Variants in ASPH observed in about 807,000 individuals in gnomAD.
The protein encoded by ASPH is aspartyl/asparaginyl beta-hydroxylase.
In ASPH, 100 loss-of-function variants were observed where a neutral mutation model predicts 118.4. That is an observed-to-expected ratio of 0.84 (90% CI 0.72 to 1.00). The LOEUF is 1.00. Among genes scored for constraint, ASPH ranks in the 50% least tolerant of loss-of-function variants. The pLI is 0.00. For synonymous variants in ASPH, 315 were observed against 325.6 expected (o/e 0.97, Z 0.35); for missense variants, 920 against 919.5 (o/e 1.00, Z -0.01).
chr8:61,580,484 A>T (rs1270546258), intron 15 of ASPH, among the ~76,000 whole-genome samples: 1 of 152,228 alleles, frequency 6.6e-6, no homozygotes, highest in African/African-American at 2.4e-5. Flanking sequence ...TTACTCTTCG[A>T]TGGCCTCTGT....
intron 21 of ASPH, among the ~76,000 whole-genome samples, chr8:61,537,471 G>T (rs1820060617): frequency 6.6e-6 from 1 of 152,188 alleles, no homozygotes; most frequent in Non-Finnish European, 1.5e-5. Context: ...CTGGGCTCAA[G>T]AAATCTTCCT....
chr8:61,592,702 A>C (rs1841495146), intron 14 of ASPH, among the ~76,000 whole-genome samples: 1 of 152,254 alleles, frequency 6.6e-6, no homozygotes, highest in Non-Finnish European at 1.5e-5. Context: ...AAGTCATCAC[A>C]TAAAGCAACC....
At position 61,618,894 on chromosome 8, in the gene ASPH, T is replaced by A. The variant is rs527523267; in HGVS notation, c.976+84A>T. 2.7e-5 allele frequency: 33 copies of A among 1,218,370 alleles called. No individual in the cohort carries two copies. In the East Asian group the frequency reaches 7.3e-4, roughly 27 times the overall value. 75.5% of individuals were successfully genotyped at this position (1,218,370 alleles called of 1,614,324 possible). ...AATTCTTTTAATTAGTGACATAAAA[T>A]CATGTTATTCTTGGATGGAACATAA... On this transcript the variant is annotated intron_variant, in intron 14 of 24. Coordinates refer to ENST00000379454, the MANE Select transcript of ASPH (RefSeq NM_004318.4).
At chr8:61,596,465 G>A (rs1437729523) in intron 14 of ASPH, among the ~76,000 whole-genome samples, 1 of 152,252 alleles carries the variant, frequency 6.6e-6, no homozygotes, top group Non-Finnish European at 1.5e-5. Context: ...CCAAAGGTCT[G>A]CTCTCCTGGA....
intron 21 of ASPH, 73 bp from the exon 22 acceptor site, chr8:61,526,185 T>C (rs953058075): frequency 2.5e-6 from 4 of 1,571,610 alleles, no homozygotes. Context: ...CTCTTGTTTT[T>C]TTTGAGGTTC....
At chr8:61,619,271 TTGTCTA>T (rs1850076039) in intron 13 of ASPH, among the ~76,000 whole-genome samples, 1 of 152,176 alleles carries the variant, frequency 6.6e-6, no homozygotes, top group African/African-American at 2.4e-5. Context: ...TAAGTACTCC[TTGTCTA>T]TAAGATAAGA....
At chr8:61,544,804 G>A (rs1586832015) in intron 21 of ASPH, among the ~76,000 whole-genome samples, 2 of 152,228 alleles carry the variant, frequency 1.3e-5, no homozygotes, top group East Asian at 1.9e-4. Context: ...CAATCTCAGA[G>A]AACTAAGAGA....
intron 3 of ASPH, chr8:61,663,161 G>A: frequency 1.0e-6 from 1 of 985,292 alleles, no homozygotes; most frequent in Non-Finnish European, 1.2e-6. Context: ...ATATGCCTGG[G>A]GGACATGTTC....
At chr8:61,713,579 A>ATCTGT (rs1328072880) in intron 1 of ASPH, among the ~76,000 whole-genome samples, 1 of 152,220 alleles carries the variant, frequency 6.6e-6, no homozygotes, top group Non-Finnish European at 1.5e-5. Context: ...AGATTTAAAA[A>ATCTGT]TCTGTTCTCT....
intron 21 of ASPH, among the ~76,000 whole-genome samples, chr8:61,530,004 C>A (rs1490784896): frequency 6.6e-6 from 1 of 152,186 alleles, no homozygotes. Context: ...AACATTCAGA[C>A]CATATCAGCG....
chr8:61,606,523 T>C (rs1845614929), intron 14 of ASPH: 1 of 152,228 alleles, frequency 6.6e-6, no homozygotes, highest in African/African-American at 2.4e-5. Context: ...ATCAAGTTGA[T>C]ATTTTAATTG....
At chr8:61,514,251 A>C (rs1810010750) in intron 24 of ASPH, among the ~76,000 whole-genome samples, 1 of 151,762 alleles carries the variant, frequency 6.6e-6, no homozygotes, top group Non-Finnish European at 1.5e-5. Flanking sequence ...TTTCTGCATC[A>C]GGCTACTGAA....
At chr8:61,675,182 TA>T in intron 3 of ASPH, 1 of 525,912 alleles carries the variant, frequency 1.9e-6, no homozygotes, top group Non-Finnish European at 2.4e-6. Flanking sequence ...TTTATAATTC[TA>T]AAAATCACAT....
At chr8:61,683,622 C>G (rs1829218320) in intron 2 of ASPH, 1 of 155,888 alleles carries the variant, frequency 6.4e-6, no homozygotes, top group Non-Finnish European at 1.4e-5. Flanking sequence ...ACTTTGAAAA[C>G]CCTCTCTAAG....
chr8:61,541,260 A>G (rs1478374433), intron 21 of ASPH, among the ~76,000 whole-genome samples: 1 of 152,146 alleles, frequency 6.6e-6, no homozygotes, highest in Non-Finnish European at 1.5e-5. Flanking sequence ...GCTACTTGGG[A>G]GGCTAAGGCA....
At chr8:61,561,928 A>G (rs1238721794) in intron 18 of ASPH, among the ~76,000 whole-genome samples, 1 of 152,214 alleles carries the variant, frequency 6.6e-6, no homozygotes, top group East Asian at 1.9e-4. Flanking sequence ...CCACGTGTCA[A>G]AAACAAAAAC....
At chr8:61,555,285 T>C (rs1827469056) in intron 19 of ASPH, among the ~76,000 whole-genome samples, 2 of 152,134 alleles carry the variant, frequency 1.3e-5, no homozygotes, top group Admixed American at 1.3e-4. Context: ...TTTATTTATT[T>C]ATTTATTAAT....
intron 20 of ASPH, among the ~76,000 whole-genome samples, chr8:61,549,943 A>G (rs1210165701): frequency 2.0e-5 from 3 of 152,346 alleles, no homozygotes; most frequent in African/African-American, 7.2e-5. Context: ...TCGACATGCT[A>G]GATGTCTGGG....
chr8:61,711,663 A>G (rs2151935325), intron 1 of ASPH, among the ~76,000 whole-genome samples: 1 of 152,252 alleles, frequency 6.6e-6, no homozygotes, highest in East Asian at 1.9e-4. Flanking sequence ...GGAAAAAAAA[A>G]AGAAATCACC....
Sources: allele counts gnomAD v4.1 joint callset (sites outside exome capture counted in the v4.1 genomes callset), GRCh38; gene constraint gnomAD v4.1.1; transcripts MANE v1.5; gene names NCBI Gene and HGNC (gene_info 2026-07-23, HGNC 2026-07-21).